The following SARM1 variants were observed in gnomAD, a reference collection of about 807,000 sequenced individuals.
SARM1 encodes the protein sterile alpha and TIR motif containing 1, also known as NAD(+) hydrolase SARM1.
A neutral mutation model predicts 65.1 loss-of-function variants in SARM1; 60 were observed. That is an observed-to-expected ratio of 0.92 (90% CI 0.75 to 1.14). SARM1 has a LOEUF of 1.14. Among genes scored for constraint, SARM1 ranks in the 50% most tolerant of loss-of-function variants. The pLI is 0.00. For missense variants in SARM1, 913 were observed against 1,015.7 expected (o/e 0.90, Z 1.37); for synonymous variants, 417 against 465.4 (o/e 0.90, Z 1.34).
At position 28,385,189 on chromosome 17, in the gene SARM1, T is replaced by G. The variant is rs564566352; in HGVS notation, c.1544T>G (p.Leu515Arg). 1.9e-6 allele frequency: 3 copies of G among 1,608,412 alleles called. No individual in the cohort carries two copies. In the South Asian group the frequency reaches 3.3e-5, roughly 18 times the overall value. The change falls in exon 5 of 9, where the codon CTG becomes CGG. Residue 515 changes from leucine to arginine, a missense_variant. This residue lies in a region of SARM1 where 862 missense variants were observed against 952.1 expected (regional missense o/e 0.91). Coordinates refer to ENST00000585482, the MANE Select transcript of SARM1 (RefSeq NM_015077.4). The surrounding 1 kb of genome is among the most constrained non-coding windows in gnomAD (Gnocchi z 4.5). ...AGCTGCGGCCTGGACCGCTCCCTGC[T>G]GCACCGCGTGTCTGAGCAGCAGCTG... is the stretch of plus-strand genomic sequence containing the variant. ...LVSCGLDRSL[L>R]HRVSEQQLLE...
Position 28,371,987 on chromosome 17 carries a change from G to A in SARM1, c.-46G>A, listed in dbSNP as rs1555584056. 1.4e-6 allele frequency: 2 copies of A among 1,383,228 alleles called. No individual in the cohort carries two copies. The highest frequency in any genetic ancestry group is 1.9e-6 in the Non-Finnish European group (2 of 1,063,922). The allele number at this position is 1,383,228 out of a possible 1,614,324, so 85.7% of individuals were successfully genotyped here. A position where few individuals can be genotyped will look rare whatever the true frequency, so the allele number is the denominator to read the frequency against. ...TTTCCCAAAACCCGGGTCTCTCCGC[G>A]TGGCCCCGCCTCCAGGCCGGGGATG... On this transcript the variant is annotated 5_prime_UTR_variant, in exon 1 of 9. In the 5' UTR this introduces an upstream ATG that the reference lacks. Coordinates refer to ENST00000585482, the MANE Select transcript of SARM1 (RefSeq NM_015077.4).
Position 28,372,463 on chromosome 17 carries a change from C to T in SARM1, c.431C>T (p.Ala144Val). ...QAPELETRVQ[A>V]ARLLEQILVA... ...CCGGAGTTGGAGACGCGTGTGCAGGCCGCGCGCCTGCTGGAGCAGATCCTG... is the reference window on the plus strand; with the variant it reads ...CCGGAGTTGGAGACGCGTGTGCAGGTCGCGCGCCTGCTGGAGCAGATCCTG... The change falls in exon 1 of 9, where the codon GCC becomes GTC. Residue 144 changes from alanine (A) to valine (V), a missense_variant. Physicochemically the swap from Ala to Val is moderately conservative, Grantham distance 64. This residue lies in a region of SARM1 where 862 missense variants were observed against 952.1 expected (regional missense o/e 0.91). Coordinates refer to ENST00000585482, the MANE Select transcript of SARM1 (RefSeq NM_015077.4). The surrounding 1 kb of genome is among the most constrained non-coding windows in gnomAD (Gnocchi z 5.2). 6.5e-7 allele frequency: 1 copy of T among 1,530,244 alleles called. No homozygotes were observed. Among genetic ancestry groups the T allele is most frequent in the South Asian group, 1.2e-5 (1 of 83,864 alleles). 94.8% of individuals were successfully genotyped at this position (1,530,244 alleles called of 1,614,324 possible).
intron 7 of SARM1, 64 bp from the exon 8 acceptor site, chr17:28,395,841 G>C (rs2142442924): frequency 6.3e-7 from 1 of 1,598,224 alleles, no homozygotes; most frequent in African/African-American, 1.3e-5. Flanking sequence ...CCCAGCACCT[G>C]CCTGGCTACA....
Position 28,395,953 on chromosome 17 carries a change from G to T in SARM1, c.1972G>T (p.Asp658Tyr). Residue 658 changes from aspartate (D) to tyrosine (Y), a missense_variant, in exon 8 of 9, where the codon GAT (aspartate) becomes TAT (tyrosine). Asp to Tyr is a radical substitution (Grantham distance 160). Transcript: ENST00000585482. ...CGGCAAGAACATTGTGCCCATCATTGATGGCTTCGAGTGGCCTGAGCCCCA... is the reference window on the plus strand; with the variant it reads ...CGGCAAGAACATTGTGCCCATCATTTATGGCTTCGAGTGGCCTGAGCCCCA... ...SCGKNIVPII[D>Y]GFEWPEPQVL... is the part of the protein sequence containing the mutation. 2 of 1,613,966 alleles carry T rather than the reference G, an allele frequency of 1.2e-6. No homozygotes were observed. The highest frequency in any genetic ancestry group is 1.7e-6 in the Non-Finnish European group (2 of 1,179,892).
intron 7 of SARM1, among the ~76,000 whole-genome samples, chr17:28,393,777 G>A (rs2068093614): frequency 6.6e-6 from 1 of 152,212 alleles, no homozygotes; most frequent in South Asian, 2.1e-4. Flanking sequence ...CTTTGTGAAA[G>A]ATGCTGAGAT....
Position 28,399,751 on chromosome 17 carries a change from G to A in SARM1, c.*3465G>A. The A allele has an allele frequency of 6.2e-7, 1 of 1,611,788 alleles. No homozygotes were observed. Among genetic ancestry groups the A allele is most frequent in the African/African-American group, 1.3e-5 (1 of 74,962 alleles). The stretch of plus-strand genomic sequence containing the variant: ...AGAGAGAGAGTTTGGATTTCATGTG[G>A]GGAACCCTCAAGGCCTGTCTGGAGA... On this transcript the variant is annotated 3_prime_UTR_variant, in exon 9 of 9. Transcript: ENST00000585482.
rs1379416230 is a variant in SARM1, at chr17:28,385,871, A to G, written c.1630+596A>G. On this transcript the variant is annotated intron_variant, in intron 5 of 8. Coordinates refer to ENST00000585482, the MANE Select transcript of SARM1 (RefSeq NM_015077.4). The surrounding 1 kb of genome is among the most constrained non-coding windows in gnomAD (Gnocchi z 4.5). The stretch of plus-strand genomic sequence containing the variant: ...ACTACTTAGCTAATCTTTATTGTCA[A>G]TTACAAGGTACTCTGTTTGGTTTTT... 6.6e-6 allele frequency among the ~76,000 whole-genome samples: 1 copy of G among 152,180 alleles called. No homozygotes were observed. Among genetic ancestry groups the G allele is most frequent in the African/African-American group, 2.4e-5 (1 of 41,440 alleles).
chr17:28,384,261 T>G lies in SARM1; in HGVS notation c.1090-96T>G. The G allele has an allele frequency of 9.7e-7, 1 of 1,026,526 alleles. No homozygotes were observed. Among genetic ancestry groups the G allele is most frequent in the Non-Finnish European group, 1.4e-6 (1 of 708,506 alleles). The allele number at this position is 1,026,526 out of a possible 1,614,324, so 63.6% of individuals were successfully genotyped here. ...GGGGCCAGGGCAGATGGAGAGACTTTGGGTTGTGAGAAGAGACAAGGAGAG... is the reference window on the plus strand; with the variant it reads ...GGGGCCAGGGCAGATGGAGAGACTTGGGGTTGTGAGAAGAGACAAGGAGAG... On this transcript the variant is annotated intron_variant, in intron 2 of 8. Transcript: ENST00000585482. The surrounding 1 kb of genome is among the most constrained non-coding windows in gnomAD (Gnocchi z 4.4).
chr17:28,380,291 C>G (rs961369996), intron 1 of SARM1, among the ~76,000 whole-genome samples: 1 of 152,176 alleles, frequency 6.6e-6, no homozygotes, highest in Non-Finnish European at 1.5e-5. Context: ...TCCTCAAACA[C>G]GTCAGCTCCT....
At chr17:28,378,094 A>G (rs1257515860) in intron 1 of SARM1, among the ~76,000 whole-genome samples, 2 of 152,176 alleles carry the variant, frequency 1.3e-5, no homozygotes, top group South Asian at 2.1e-4. Context: ...CAGGCCTCCA[A>G]GTTCTCTCTG....
chr17:28,382,443 G>T (rs541621325), intron 2 of SARM1, among the ~76,000 whole-genome samples: 1 of 152,192 alleles, frequency 6.6e-6, no homozygotes, highest in African/African-American at 2.4e-5. Context: ...GAGTCAAGAT[G>T]GCTGTTAGAG....
In SARM1 at chr17:28,388,300, G is replaced by A. The variant is rs373002076; in HGVS notation, c.1733+24G>A. 1.3e-3 allele frequency: 1,993 copies of A among 1,584,856 alleles called. 4 individuals are homozygous for A. Among genetic ancestry groups the A allele is most frequent in the Non-Finnish European group, 1.6e-3 (1,845 of 1,165,730 alleles). ...AGGTGAGGAGGGGCGGGCGGGCAGCGACGGGGCGTGGGGACAAGGCTGTGG... is the reference window on the plus strand; with the variant it reads ...AGGTGAGGAGGGGCGGGCGGGCAGCAACGGGGCGTGGGGACAAGGCTGTGG... On this transcript the variant is annotated intron_variant, in intron 6 of 8. Coordinates refer to ENST00000585482, the MANE Select transcript of SARM1 (RefSeq NM_015077.4).
intron 1 of SARM1, among the ~76,000 whole-genome samples, chr17:28,380,288 A>G (rs1016597740): frequency 4.6e-5 from 7 of 151,848 alleles, no homozygotes; most frequent in Non-Finnish European, 1.0e-4. Context: ...TATTCCTCAA[A>G]CACGTCAGCT....
Position 28,371,848 on chromosome 17 carries a change from C to T in SARM1, c.-185C>T, listed in dbSNP as rs2067955964. On this transcript the variant is annotated 5_prime_UTR_variant, in exon 1 of 9. Coordinates refer to ENST00000585482, the MANE Select transcript of SARM1 (RefSeq NM_015077.4). ...CCTGCATCACCTTTGCCAACCGCTC[C>T]CCCGATCCTGCCGACACTCCTCCCC... 1 of 465,460 alleles carries T rather than the reference C, an allele frequency of 2.1e-6. No homozygotes were observed. 28.8% of individuals were successfully genotyped at this position (465,460 alleles called of 1,614,324 possible).
Position 28,402,591 on chromosome 17 carries a change from C to A in SARM1, c.*6305C>A. 1 of 334,170 alleles carries A rather than the reference C, an allele frequency of 3.0e-6. No homozygotes were observed. The highest frequency in any genetic ancestry group is 4.1e-5 in the South Asian group (1 of 24,190). The allele number at this position is 334,170 out of a possible 1,614,324, so 20.7% of individuals were successfully genotyped here. A position where few individuals can be genotyped will look rare whatever the true frequency, so the allele number is the denominator to read the frequency against. ...CCTCTTGTGGTCACAGCAGGCATCA[C>A]CCACCCACTTGGCACTTAGTAGGGA... On this transcript the variant is annotated 3_prime_UTR_variant, in exon 9 of 9. Coordinates refer to ENST00000585482, the MANE Select transcript of SARM1 (RefSeq NM_015077.4).
At position 28,385,961 on chromosome 17, in the gene SARM1, C is replaced by T. The variant is rs1009216691; in HGVS notation, c.1630+686C>T. Reference sequence around the variant, plus strand: ...ATGAGTGTTCAGTTTTTAAAATCAACCTTAAAGAACTCTTGAAAGAATAAA... The same window carrying T: ...ATGAGTGTTCAGTTTTTAAAATCAATCTTAAAGAACTCTTGAAAGAATAAA... On this transcript the variant is annotated intron_variant, in intron 5 of 8. Coordinates refer to ENST00000585482, the MANE Select transcript of SARM1 (RefSeq NM_015077.4). This position sits in a 1 kb window ranked among gnomAD's most constrained non-coding sequence, Gnocchi z 4.5. Among the ~76,000 whole-genome samples the T allele has an allele frequency of 6.6e-6, 1 of 152,088 alleles. No homozygotes were observed. The highest frequency in any genetic ancestry group is 6.6e-5 in the Admixed American group (1 of 15,258).
intron 7 of SARM1, among the ~76,000 whole-genome samples, chr17:28,391,727 A>AAAAAG (rs1555586923): frequency 4.3e-5 from 5 of 117,094 alleles, no homozygotes; most frequent in East Asian, 2.5e-4. Flanking sequence ...AAAAAAAAAA[A>AAAAAG]AGAGAGAGAG....
At chr17:28,383,004 G>C (rs1443299601) in intron 2 of SARM1, among the ~76,000 whole-genome samples, 2 of 152,204 alleles carry the variant, frequency 1.3e-5, no homozygotes, top group African/African-American at 4.8e-5. Context: ...CTGTACCCCA[G>C]CTGTCATCTG....
Position 28,396,326 on chromosome 17 carries a change from C to T in SARM1, c.*40C>T. 6.2e-7 allele frequency: 1 copy of T among 1,610,048 alleles called. No homozygotes were observed. Among genetic ancestry groups the T allele is most frequent in the Non-Finnish European group, 8.5e-7 (1 of 1,177,216 alleles). On this transcript the variant is annotated 3_prime_UTR_variant, in exon 9 of 9. Coordinates refer to ENST00000585482, the MANE Select transcript of SARM1 (RefSeq NM_015077.4). The stretch of plus-strand genomic sequence containing the variant: ...CCCAGCCCTGCTGTGACTTCCATTT[C>T]CATCGTCCTTTCTGAAGGAACAGCT...
Sources: gnomAD v4.1 joint callset for allele counts (sites outside exome capture counted in the v4.1 genomes callset) on GRCh38, gnomAD v4.1.1 for gene constraint, gnomAD v4.1.1 regional missense constraint, Gnocchi (gnomAD v3.1) non-coding constraint, MANE v1.5 for transcripts, NCBI Gene and HGNC (gene_info 2026-07-23, HGNC 2026-07-21) for gene names.